The following CBLIF variants were observed in gnomAD, a reference collection of about 807,000 sequenced individuals.
CBLIF encodes the protein cobalamin binding intrinsic factor, also known as gastric intrinsic factor (vitamin B synthesis).
Under a neutral mutation model 44.9 loss-of-function variants are expected in CBLIF, and 24 were observed. The ratio of observed to expected loss-of-function variants is 0.53; its 90% CI spans 0.39 to 0.75. The LOEUF (loss-of-function observed/expected upper bound fraction) is 0.75. Among genes scored for constraint, CBLIF ranks in the 30% least tolerant of loss-of-function variants. CBLIF has a pLI of 0.00. For synonymous variants in CBLIF, 183 were observed against 190.9 expected (o/e 0.96, Z 0.34); for missense variants, 481 against 513.0 (o/e 0.94, Z 0.60).
intron 4 of CBLIF, among the ~76,000 whole-genome samples, chr11:59,841,950 C>G (rs1001968500): frequency 6.6e-6 from 1 of 152,040 alleles, no homozygotes. Flanking sequence ...AGAACAAAGA[C>G]GCAAGGTGGT....
At position 59,841,435 on chromosome 11, in the gene CBLIF, T is replaced by G. The variant is rs985191245; in HGVS notation, c.512-111A>C. 1.5e-5 allele frequency: 12 copies of G among 793,734 alleles called. No homozygotes were observed. The African/African-American group carries it at 2.0e-4, about 14-fold the overall frequency. The allele number at this position is 793,734 out of a possible 1,614,324, so 49.2% of individuals were successfully genotyped here. A position where few individuals can be genotyped will look rare whatever the true frequency, so the allele number is the denominator to read the frequency against. On this transcript the variant is annotated intron_variant, in intron 4 of 8. Coordinates refer to ENST00000257248, the MANE Select transcript of CBLIF (RefSeq NM_005142.3). ...CTGGCTCCATGATTTTATTTGCTCC[T>G]CAGAACAACCTGTGAAACAGTACCT...
intron 7 of CBLIF, among the ~76,000 whole-genome samples, chr11:59,833,088 T>C (rs1218834258): frequency 6.6e-6 from 1 of 152,262 alleles, no homozygotes; most frequent in Non-Finnish European, 1.5e-5. Context: ...AGATGATTTT[T>C]CTTCTTTTTG....
At chr11:59,829,614 GCAGT>G in intron 8 of CBLIF, 69 bp from the exon 9 acceptor site, 4 of 923,902 alleles carry the variant, frequency 4.3e-6, no homozygotes, top group Non-Finnish European at 7.2e-6. Flanking sequence ...CCCAAGGGAT[GCAGT>G]GAGCTAGATG....
chr11:59,841,119 C>A lies in CBLIF; in HGVS notation c.693+24G>T, dbSNP rs369644899. The A allele has an allele frequency of 1.1e-5, 17 of 1,584,378 alleles. No homozygotes were observed. The East Asian group carries it at 1.1e-4, about 10-fold the overall frequency. On this transcript the variant is annotated intron_variant, in intron 5 of 8. Transcript: ENST00000257248. ...CCAGGCTTATTGGCAGGAACCCAACCAAGAGCATCCAGCACGTGTTTACCT... is the reference window on the plus strand; with the variant it reads ...CCAGGCTTATTGGCAGGAACCCAACAAAGAGCATCCAGCACGTGTTTACCT...
chr11:59,841,368 A>G (rs757773932), intron 4 of CBLIF, 44 bp from the exon 5 acceptor site: 1 of 1,316,904 alleles, frequency 7.6e-7, no homozygotes, highest in South Asian at 1.2e-5. Flanking sequence ...TCACCATCAC[A>G]GCAATATGAA....
intron 7 of CBLIF, among the ~76,000 whole-genome samples, chr11:59,834,238 CTTTT>C (rs1397625599): frequency 9.5e-5 from 13 of 137,192 alleles, no homozygotes; most frequent in African/African-American, 3.1e-4. Context: ...TTCTTTCTTT[CTTTT>C]TCTTTCTTTC....
chr11:59,842,560 A>C lies in CBLIF; in HGVS notation c.394T>G (p.Phe132Val), dbSNP rs1866550184. 1 of 1,613,936 alleles carries C rather than the reference A, an allele frequency of 6.2e-7. No homozygotes were observed. The highest frequency in any genetic ancestry group is 8.5e-7 in the Non-Finnish European group (1 of 1,179,996). Residue 132 changes from phenylalanine (F) to valine (V), a missense_variant, in exon 4 of 9, where the codon TTC (phenylalanine) becomes GTC (valine). Coordinates refer to ENST00000257248, the MANE Select transcript of CBLIF (RefSeq NM_005142.3). Reference protein sequence around the residue: ...PSSPNAEASAFYGPSLAILAL... With the variant: ...PSSPNAEASAVYGPSLAILAL... ...AAGATCGCTAGACTGGGCCCATAGA[A>C]GGCTGATGCTTCAGCGTTGGGGCCT... is the stretch of plus-strand genomic sequence containing the variant.
intron 4 of CBLIF, 124 bp downstream of exon 4, chr11:59,842,319 G>T: frequency 1.9e-6 from 2 of 1,039,248 alleles, no homozygotes; most frequent in Non-Finnish European, 3.0e-6. Flanking sequence ...CCATCCACAG[G>T]CACGTTCACA....
chr11:59,829,967 T>G (rs1200710948), intron 8 of CBLIF, among the ~76,000 whole-genome samples: 1 of 152,188 alleles, frequency 6.6e-6, no homozygotes, highest in African/African-American at 2.4e-5. Context: ...ATTAGGGCAT[T>G]CAAGGGAGAA....
At position 59,842,518 on chromosome 11, in the gene CBLIF, T is replaced by A; in HGVS notation, c.436A>T (p.Asn146Tyr). Residue 146 changes from asparagine (N) to tyrosine (Y), a missense_variant, in exon 4 of 9, where the codon AAC (asparagine) becomes TAC (tyrosine). Asn to Tyr is a moderately radical substitution (Grantham distance 143). Coordinates refer to ENST00000257248, the MANE Select transcript of CBLIF (RefSeq NM_005142.3). Reference protein sequence around the residue: ...SLAILALCQKNSEATLPIAVR... With the variant: ...SLAILALCQKYSEATLPIAVR... Reference sequence around the variant, plus strand: ...GCTATCGGCAAGGTCGCCTCAGAGTTCTTCTGGCACAGTGCCAAGATCGCT... The same window carrying A: ...GCTATCGGCAAGGTCGCCTCAGAGTACTTCTGGCACAGTGCCAAGATCGCT... The A allele has an allele frequency of 6.2e-7, 1 of 1,607,174 alleles. No homozygotes were observed. Among genetic ancestry groups the A allele is most frequent in the East Asian group, 2.2e-5 (1 of 44,870 alleles).
Position 59,845,377 on chromosome 11 carries a change from C to T in CBLIF, c.77G>A (p.Cys26Tyr). ...CCTTGGAAAAACATCATACTCACAG[C>T]ATGAACTCTGGGTCTGGGTACTAGT... is the stretch of plus-strand genomic sequence containing the variant. ...AGTSTQTQSS[C>Y]SVPSAQEPLV... The change falls in exon 1 of 9, where the codon TGC becomes TAC. Residue 26 changes from cysteine to tyrosine, a missense_variant and splice_region_variant. Transcript: ENST00000257248. 1 of 1,609,298 alleles carries T rather than the reference C, an allele frequency of 6.2e-7. No homozygotes were observed. The highest frequency in any genetic ancestry group is 8.5e-7 in the Non-Finnish European group (1 of 1,175,668).
At chr11:59,841,014 C>T in intron 5 of CBLIF, 129 bp downstream of exon 5, 1 of 788,522 alleles carries the variant, frequency 1.3e-6, no homozygotes, top group South Asian at 1.4e-5. Context: ...GCCCAGGCAC[C>T]ACAAAGAATA....
intron 7 of CBLIF, among the ~76,000 whole-genome samples, chr11:59,832,232 C>A (rs894732582): frequency 6.6e-6 from 1 of 152,008 alleles, no homozygotes; most frequent in Admixed American, 6.6e-5. Context: ...GAACAGAAAA[C>A]CAAATACTGC....
chr11:59,836,941 A>G (rs1016950358), intron 6 of CBLIF, among the ~76,000 whole-genome samples: 1 of 152,246 alleles, frequency 6.6e-6, no homozygotes, highest in African/African-American at 2.4e-5. Context: ...TGCTTTGCAC[A>G]TAGTAGGAGC....
intron 8 of CBLIF, among the ~76,000 whole-genome samples, chr11:59,830,082 C>A (rs976552528): frequency 2.0e-5 from 3 of 152,068 alleles, no homozygotes; most frequent in Non-Finnish European, 4.4e-5. Context: ...ATATCTGTTA[C>A]CTTTCAGGTA....
At position 59,841,340 on chromosome 11, in the gene CBLIF, G is replaced by T. The variant is rs555776939; in HGVS notation, c.512-16C>A. The T allele has an allele frequency of 6.3e-7, 1 of 1,587,982 alleles. No individual in the cohort carries two copies. On this transcript the variant is annotated splice_polypyrimidine_tract_variant and intron_variant, in intron 4 of 8. Coordinates refer to ENST00000257248, the MANE Select transcript of CBLIF (RefSeq NM_005142.3). The stretch of plus-strand genomic sequence containing the variant: ...GCTCCTGTGTCTGTGAATGACAGAG[G>T]GTATAAGATCACCATAGTCACCATC...
chr11:59,839,847 T>C (rs1403183669), intron 5 of CBLIF, among the ~76,000 whole-genome samples: 1 of 152,036 alleles, frequency 6.6e-6, no homozygotes, highest in Non-Finnish European at 1.5e-5. Flanking sequence ...AACACTTCAC[T>C]GTCTGGTGAT....
intron 7 of CBLIF, 66 bp downstream of exon 7, chr11:59,835,742 A>T: frequency 7.9e-7 from 1 of 1,270,232 alleles, no homozygotes; most frequent in South Asian, 1.2e-5. Context: ...GGAAAACAGG[A>T]TGGATAAAAA....
chr11:59,839,524 C>T (rs930790486), intron 5 of CBLIF, among the ~76,000 whole-genome samples: 2 of 152,028 alleles, frequency 1.3e-5, no homozygotes, highest in African/African-American at 4.8e-5. Flanking sequence ...GGGAGTCAAA[C>T]CTAAATTGTG....
Sources: allele counts gnomAD v4.1 joint callset (sites outside exome capture counted in the v4.1 genomes callset), GRCh38; gene constraint gnomAD v4.1.1; transcripts MANE v1.5; gene names NCBI Gene and HGNC (gene_info 2026-07-23, HGNC 2026-07-21).